The following KHDRBS2 variants were observed in gnomAD, a reference collection of about 807,000 sequenced individuals.
The protein encoded by KHDRBS2 is KH domain-containing, RNA-binding, signal transduction-associated protein 2.
Under a neutral mutation model 44.3 loss-of-function variants are expected in KHDRBS2, and 26 were observed. The ratio of observed to expected loss-of-function variants is 0.59; its 90% CI spans 0.43 to 0.81. KHDRBS2 has a LOEUF of 0.81. Among genes scored for constraint, KHDRBS2 ranks in the 40% least tolerant of loss-of-function variants. The pLI is 0.00. For synonymous variants in KHDRBS2, 194 were observed against 151.1 expected (o/e 1.28, Z -2.08); for missense variants, 476 against 433.1 (o/e 1.10, Z -0.88).
At chr6:61,590,015 G>A in the KHDRBS2 span, among the ~76,000 whole-genome samples, 2 of 152,028 alleles carry the variant, frequency 1.3e-5, no homozygotes, top group African/African-American at 4.8e-5. Flanking sequence ...GTGGTTAAGT[G>A]TTATGTATCC....
At chr6:61,619,137 C>A in the KHDRBS2 span, among the ~76,000 whole-genome samples, 1 of 151,926 alleles carries the variant, frequency 6.6e-6, no homozygotes, top group Non-Finnish European at 1.5e-5. Flanking sequence ...TTTTCAATAG[C>A]TTTTGGGATA....
At chr6:61,882,430 C>T (rs146936269) in intron 6 of KHDRBS2, among the ~76,000 whole-genome samples, 10 of 152,078 alleles carry the variant, frequency 6.6e-5, no homozygotes, top group African/African-American at 1.9e-4. Context: ...AGGATATTCT[C>T]CATTTGGTTT....
intron 2 of KHDRBS2, among the ~76,000 whole-genome samples, chr6:62,115,546 T>TA (rs1280947323): frequency 6.6e-6 from 1 of 152,198 alleles, no homozygotes; most frequent in Non-Finnish European, 1.5e-5. Flanking sequence ...TGATCTTTCA[T>TA]AAAAATATAA....
At chr6:61,722,310 T>G (rs1772748299) in intron 7 of KHDRBS2, among the ~76,000 whole-genome samples, 1 of 152,154 alleles carries the variant, frequency 6.6e-6, no homozygotes, top group African/African-American at 2.4e-5. Flanking sequence ...CTTTTCTGAT[T>G]CATTTGAAAT....
the KHDRBS2 span, among the ~76,000 whole-genome samples, chr6:61,615,246 A>AAAAAAAG: frequency 1.3e-5 from 2 of 150,514 alleles, no homozygotes; most frequent in African/African-American, 4.9e-5. Context: ...AAAAAAAAAA[A>AAAAAAAG]AAAAAGAAAG....
the KHDRBS2 span, among the ~76,000 whole-genome samples, chr6:61,660,655 C>A: frequency 6.6e-6 from 1 of 151,742 alleles, no homozygotes; most frequent in Non-Finnish European, 1.5e-5. Context: ...AAGGAAGGAA[C>A]AAATAATTAT....
chr6:62,268,729 T>C (rs1839605848), intron 1 of KHDRBS2, among the ~76,000 whole-genome samples: 1 of 151,984 alleles, frequency 6.6e-6, no homozygotes, highest in Non-Finnish European at 1.5e-5. Context: ...CCTACTTTGC[T>C]ACTCAGGACA....
intron 2 of KHDRBS2, among the ~76,000 whole-genome samples, chr6:62,048,238 A>G (rs1273280600): frequency 1.3e-5 from 2 of 151,864 alleles, no homozygotes; most frequent in African/African-American, 4.8e-5. Context: ...CCAAAGTGAA[A>G]AGTATGTTGA....
At chr6:62,175,226 A>C (rs1820852935) in intron 2 of KHDRBS2, among the ~76,000 whole-genome samples, 1 of 151,562 alleles carries the variant, frequency 6.6e-6, no homozygotes, top group African/African-American at 2.4e-5. Context: ...ATGTGTGATA[A>C]TTAGGTGAAA....
chr6:62,073,460 C>CTATT (rs566447276), intron 2 of KHDRBS2, among the ~76,000 whole-genome samples: 93 of 147,518 alleles, frequency 6.3e-4, no homozygotes, highest in African/African-American at 2.2e-3. Context: ...TCCTTTCAGT[C>CTATT]TAATTGTTTG....
At chr6:61,637,632 T>TTTTACAGTTTAC in the KHDRBS2 span, among the ~76,000 whole-genome samples, 1 of 152,238 alleles carries the variant, frequency 6.6e-6, no homozygotes, top group South Asian at 2.1e-4. Context: ...ATGGTTGAAC[T>TTTTACAGTTTAC]AGTTTACAGT....
At chr6:62,132,277 C>T (rs1810506262) in intron 2 of KHDRBS2, among the ~76,000 whole-genome samples, 1 of 152,110 alleles carries the variant, frequency 6.6e-6, no homozygotes, top group South Asian at 2.1e-4. Flanking sequence ...ACAAAATGTA[C>T]ACATGAAGAT....
At chr6:61,639,126 G>A in the KHDRBS2 span, among the ~76,000 whole-genome samples, 1 of 152,044 alleles carries the variant, frequency 6.6e-6, no homozygotes, top group Admixed American at 6.6e-5. Flanking sequence ...CTTATGAAAT[G>A]AGCTGATGCA....
At chr6:61,747,778 A>C (rs550892016) in intron 6 of KHDRBS2, among the ~76,000 whole-genome samples, 9 of 152,300 alleles carry the variant, frequency 5.9e-5, no homozygotes, top group Middle Eastern at 3.4e-3. Flanking sequence ...CCTCTGGTAC[A>C]TAAGAGTAAA....
At chr6:62,038,719 A>T (rs1309798588) in intron 3 of KHDRBS2, among the ~76,000 whole-genome samples, 1 of 152,034 alleles carries the variant, frequency 6.6e-6, no homozygotes, top group Non-Finnish European at 1.5e-5. Flanking sequence ...TGCTAGAACA[A>T]GTTGTCTAAG....
intron 6 of KHDRBS2, among the ~76,000 whole-genome samples, chr6:61,860,097 G>A (rs1421273260): frequency 6.6e-6 from 1 of 151,884 alleles, no homozygotes; most frequent in Non-Finnish European, 1.5e-5. Context: ...GATAAAAAAT[G>A]CTAACCCACA....
intron 3 of KHDRBS2, among the ~76,000 whole-genome samples, chr6:62,009,981 G>T (rs927941543): frequency 6.6e-6 from 1 of 152,112 alleles, no homozygotes; most frequent in Non-Finnish European, 1.5e-5. Context: ...GCCTAGTGGA[G>T]CTATGAGAAC....
Position 62,121,551 on chromosome 6 carries a change from A to T in KHDRBS2, c.219+55634T>A, listed in dbSNP as rs192287167. ...CCTAGCATGCAGCCACTGATTTGGC[A>T]AATGCTTTTTTCTCCATTCCTGTCG... On this transcript the variant is annotated intron_variant, in intron 2 of 8. Transcript: ENST00000281156. Among the ~76,000 whole-genome samples the T allele has an allele frequency of 8.5e-5, 13 of 152,334 alleles. No homozygotes were observed. In the East Asian group the frequency reaches 1.9e-3, roughly 23 times the overall value.
At chr6:61,936,258 G>A (rs1516714) in intron 4 of KHDRBS2, among the ~76,000 whole-genome samples, 132,264 of 151,994 alleles carry the variant, frequency 0.87, 57,992 homozygotes, top group African/African-American at 0.96. Context: ...TTTTTATTCC[G>A]TGTAATAATT....
Sources: allele counts gnomAD v4.1 joint callset (sites outside exome capture counted in the v4.1 genomes callset), GRCh38; gene constraint gnomAD v4.1.1; transcripts MANE v1.5; gene names NCBI Gene and HGNC (gene_info 2026-07-23, HGNC 2026-07-21).